Variants in JAKMIP2 observed in about 807,000 individuals in gnomAD.
The protein encoded by JAKMIP2 is janus kinase and microtubule interacting protein 2.
A neutral mutation model predicts 115.0 loss-of-function variants in JAKMIP2; 25 were observed. The observed-to-expected ratio is 0.22, with a 90% CI of 0.16 to 0.30. JAKMIP2 has a LOEUF of 0.30. Ranked by LOEUF, JAKMIP2 falls within the 10% of genes least tolerant of loss-of-function variation. The pLI, the probability that JAKMIP2 is intolerant of heterozygous loss-of-function variation, is 1.00. For missense variants in JAKMIP2, 642 were observed against 957.6 expected (o/e 0.67, Z 4.35); for synonymous variants, 334 against 343.6 (o/e 0.97, Z 0.31).
At chr5:147,597,805 A>T (rs925995915) in intron 21 of JAKMIP2, among the ~76,000 whole-genome samples, 12 of 152,136 alleles carry the variant, frequency 7.9e-5, no homozygotes, top group African/African-American at 2.7e-4. Flanking sequence ...CTTAATCCCT[A>T]GTGCAACAGT....
At chr5:147,777,723 G>A (rs1040072100) in intron 1 of JAKMIP2, among the ~76,000 whole-genome samples, 1 of 151,988 alleles carries the variant, frequency 6.6e-6, no homozygotes, top group African/African-American at 2.4e-5. Context: ...TTTACTGCAA[G>A]CTAATTAATT....
At chr5:147,680,487 T>TA (rs756941681) in intron 1 of JAKMIP2, among the ~76,000 whole-genome samples, 40 of 143,288 alleles carry the variant, frequency 2.8e-4, no homozygotes, top group Non-Finnish European at 5.1e-4. Flanking sequence ...AACTGTTATA[T>TA]AAAATAGTTG....
chr5:147,716,565 C>T (rs75959479), intron 1 of JAKMIP2, among the ~76,000 whole-genome samples: 40 of 152,134 alleles, frequency 2.6e-4, no homozygotes, highest in East Asian at 7.8e-4. Context: ...TATCTCATTG[C>T]GGTTTTGATT....
intron 1 of JAKMIP2, among the ~76,000 whole-genome samples, chr5:147,737,828 C>A (rs918559608): frequency 1.3e-5 from 2 of 152,094 alleles, no homozygotes; most frequent in African/African-American, 4.8e-5. Context: ...CTGAACACTA[C>A]CTTAGAACTT....
rs1755042766 is a variant in JAKMIP2, at chr5:147,590,130, T to C, written c.*1577A>G. On this transcript the variant is annotated 3_prime_UTR_variant, in exon 22 of 22. Transcript: ENST00000616793. ...ATTGTACATTCTTCAGTTATTGTTC[T>C]GGCTTTGCAAATGCCAGTGCTAAAA... 6.6e-6 allele frequency: 1 copy of C among 152,204 alleles called. No individual in the cohort carries two copies. The highest frequency in any genetic ancestry group is 1.5e-5 in the Non-Finnish European group (1 of 68,050). 9.4% of individuals were successfully genotyped at this position (152,204 alleles called of 1,614,324 possible). A position where few individuals can be genotyped will look rare whatever the true frequency, so the allele number is the denominator to read the frequency against.
At position 147,661,103 on chromosome 5, in the gene JAKMIP2, C is replaced by G. The variant is rs1342664752; in HGVS notation, c.472G>C (p.Asp158His). Residue 158 changes from aspartate to histidine, a missense_variant, in exon 3 of 22, where the codon GAC (aspartate) becomes CAC (histidine). Physicochemically the swap from Asp to His is moderately conservative, Grantham distance 81. This residue lies in a region of JAKMIP2 where 439 missense variants were observed against 570.9 expected (regional missense o/e 0.77). Coordinates refer to ENST00000616793, the MANE Select transcript of JAKMIP2 (RefSeq NM_001270941.2). ...ERLKLLQEIA[D>H]LKTAKKQVDE... ...ACCTGCTTCTTGGCCGTTTTCAGGT[C>G]CGCAATTTCCTGTAAGAGCTTAAGG... 2 of 1,614,022 alleles carry G rather than the reference C, an allele frequency of 1.2e-6. No homozygotes were observed. The highest frequency in any genetic ancestry group is 1.7e-6 in the Non-Finnish European group (2 of 1,180,024).
rs533344253 is a variant in JAKMIP2 at position 147,605,036 on chromosome 5, T to C, written c.2413-3225A>G. ...TTCCCCAACCTGTGCCCGTATGTTCTCATTGTTCAACTCCCACTTATGAGT... is the reference window on the plus strand; with the variant it reads ...TTCCCCAACCTGTGCCCGTATGTTCCCATTGTTCAACTCCCACTTATGAGT... On this transcript the variant is annotated intron_variant, in intron 20 of 21. Coordinates refer to ENST00000616793, the MANE Select transcript of JAKMIP2 (RefSeq NM_001270941.2). 1.2e-3 allele frequency among the ~76,000 whole-genome samples: 188 copies of C among 151,860 alleles called. 3 individuals carry two copies. In the East Asian group the frequency reaches 0.032, roughly 25 times the overall value.
intron 19 of JAKMIP2, among the ~76,000 whole-genome samples, chr5:147,614,976 T>C (rs994605912): frequency 1.1e-4 from 16 of 152,222 alleles, no homozygotes; most frequent in African/African-American, 3.4e-4. Flanking sequence ...CCAGCCAACC[T>C]AAAGTGGCCA....
intron 1 of JAKMIP2, among the ~76,000 whole-genome samples, chr5:147,686,084 A>G (rs746810682): frequency 5.9e-5 from 9 of 152,194 alleles, no homozygotes; most frequent in Admixed American, 2.0e-4. Flanking sequence ...AATTAATGCA[A>G]ACATAGGGAC....
chr5:147,716,014 TC>T (rs1466951836), intron 1 of JAKMIP2, among the ~76,000 whole-genome samples: 2 of 118,392 alleles, frequency 1.7e-5, no homozygotes, highest in African/African-American at 6.6e-5. Context: ...CCCACAACAG[TC>T]CCCAGAGTGT....
At position 147,671,762 on chromosome 5, in the gene JAKMIP2, G is replaced by T; in HGVS notation, c.45C>A (p.Leu15=). The change falls in exon 2 of 22, where the codon CTC becomes CTA. Residue 15 remains leucine (L), a synonymous_variant. Transcript: ENST00000616793. ...GRNKGEKPEA[L]IVALQAANED... ...CATTGGCAGCTTGAAGGGCAACAATGAGTGCCTCGGGCTTCTCGCCCTTAT... is the reference window on the plus strand; with the variant it reads ...CATTGGCAGCTTGAAGGGCAACAATTAGTGCCTCGGGCTTCTCGCCCTTAT... The T allele has an allele frequency of 1.9e-6, 3 of 1,592,532 alleles. No homozygotes were observed. The highest frequency in any genetic ancestry group is 2.6e-6 in the Non-Finnish European group (3 of 1,168,786).
Position 147,671,855 on chromosome 5 carries a change from G to C in JAKMIP2, c.-49C>G, listed in dbSNP as rs776053355. The C allele has an allele frequency of 2.7e-6, 4 of 1,480,482 alleles. No homozygotes were observed. The highest frequency in any genetic ancestry group is 3.6e-6 in the Non-Finnish European group (4 of 1,105,924). The allele number at this position is 1,480,482 out of a possible 1,614,324, so 91.7% of individuals were successfully genotyped here. A position where few individuals can be genotyped will look rare whatever the true frequency, so the allele number is the denominator to read the frequency against. On this transcript the variant is annotated 5_prime_UTR_variant, in exon 2 of 22. Coordinates refer to ENST00000616793, the MANE Select transcript of JAKMIP2 (RefSeq NM_001270941.2). ...TTGGTTTTTAATTTCTTTCAAGCAG[G>C]TGCTGCCATGTTACTGTTTCTTATC...
At chr5:147,737,112 G>C (rs983518859) in intron 1 of JAKMIP2, among the ~76,000 whole-genome samples, 1 of 152,092 alleles carries the variant, frequency 6.6e-6, no homozygotes, top group Admixed American at 6.5e-5. Context: ...TAATTCCTGA[G>C]ACTTAAGTAT....
chr5:147,654,535 A>T (rs1758579455), intron 3 of JAKMIP2, among the ~76,000 whole-genome samples: 1 of 152,024 alleles, frequency 6.6e-6, no homozygotes, highest in Non-Finnish European at 1.5e-5. Context: ...GGTGTATAGG[A>T]AAGTTTGTGA....
chr5:147,701,306 C>T (rs1441781737), intron 1 of JAKMIP2, among the ~76,000 whole-genome samples: 18 of 152,122 alleles, frequency 1.2e-4, no homozygotes, highest in Admixed American at 1.2e-3. Context: ...AAAAGGAGTG[C>T]TGATTCCTTT....
rs191092811 is a variant in JAKMIP2, at chr5:147,739,155, T to C, written c.-149+43301A>G. Among the ~76,000 whole-genome samples the C allele has an allele frequency of 1.7e-3, 255 of 152,188 alleles. 1 individual carries two copies. Among genetic ancestry groups the C allele is most frequent in the Non-Finnish European group, 2.7e-3 (182 of 68,014 alleles). ...TGAGCCTGCTGGGGAAAGCTTAATA[T>C]GGGTCTCCCAGAACTTTAGAGGCAA... On this transcript the variant is annotated intron_variant, in intron 1 of 21. Coordinates refer to ENST00000616793, the MANE Select transcript of JAKMIP2 (RefSeq NM_001270941.2).
chr5:147,661,206 G>A lies in JAKMIP2; in HGVS notation c.369C>T (p.Asp123=), dbSNP rs756380356. 3.5e-5 allele frequency: 57 copies of A among 1,613,838 alleles called. No individual in the cohort carries two copies. The highest frequency in any genetic ancestry group is 5.5e-5 in the South Asian group (5 of 91,066). ...RLKSALCALR[D]GSSDKVRTAL... is the part of the protein sequence containing the mutation. Reference sequence around the variant, plus strand: ...CTGTCCTTACTTTGTCACTGCTGCCGTCGCGGAGAGCACAGAGAGCAGACT... The same window carrying A: ...CTGTCCTTACTTTGTCACTGCTGCCATCGCGGAGAGCACAGAGAGCAGACT... Residue 123 remains aspartate (D), a synonymous_variant, in exon 3 of 22, where the codon GAC becomes GAT. Transcript: ENST00000616793.
At chr5:147,627,263 T>C (rs964847768) in intron 16 of JAKMIP2, among the ~76,000 whole-genome samples, 4 of 152,058 alleles carry the variant, frequency 2.6e-5, no homozygotes, top group Non-Finnish European at 5.9e-5. Flanking sequence ...CTAAGGGGGC[T>C]TGGATGAACA....
chr5:147,698,252 A>T (rs1177286226), intron 1 of JAKMIP2, among the ~76,000 whole-genome samples: 3 of 152,124 alleles, frequency 2.0e-5, no homozygotes, highest in African/African-American at 7.2e-5. Flanking sequence ...GAACAGGTGT[A>T]TTTACCCAAT....
Sources: allele counts gnomAD v4.1 joint callset (sites outside exome capture counted in the v4.1 genomes callset), GRCh38; gene constraint gnomAD v4.1.1; regional missense constraint gnomAD v4.1.1; transcripts MANE v1.5; gene names NCBI Gene and HGNC (gene_info 2026-07-23, HGNC 2026-07-21).